Variants in JAKMIP2 observed in about 807,000 individuals in gnomAD.
JAKMIP2 encodes the protein janus kinase and microtubule interacting protein 2.
JAKMIP2 carries 25 observed loss-of-function variants against 115.0 expected under a neutral mutation model. The observed-to-expected ratio is 0.22, with a 90% CI of 0.16 to 0.30. The LOEUF (loss-of-function observed/expected upper bound fraction) is 0.30. Ranked by LOEUF, JAKMIP2 falls within the 10% of genes least tolerant of loss-of-function variation. JAKMIP2 has a pLI of 1.00. For synonymous variants in JAKMIP2, 334 were observed against 343.6 expected (o/e 0.97, Z 0.31); for missense variants, 642 against 957.6 (o/e 0.67, Z 4.35).
chr5:147,629,620 TGATGCATTGTTAAGTATCTC>T (rs1757265173), intron 15 of JAKMIP2, 53 bp downstream of exon 15: 1 of 1,006,514 alleles, frequency 9.9e-7, no homozygotes, highest in African/African-American at 1.6e-5. Context: ...ACTTTACACA[TGATGCATTGTTAAGTATCTC>T]TTGCCTCTGT....
intron 1 of JAKMIP2, among the ~76,000 whole-genome samples, chr5:147,725,429 T>C (rs2126954807): frequency 6.6e-6 from 1 of 152,290 alleles, no homozygotes; most frequent in South Asian, 2.1e-4. Flanking sequence ...TCCCGAATTC[T>C]TTCTCGTGCA....
chr5:147,591,636 A>G lies in JAKMIP2; in HGVS notation c.*71T>C, dbSNP rs1298812691. 3.2e-6 allele frequency: 5 copies of G among 1,584,890 alleles called. No homozygotes were observed. The highest frequency in any genetic ancestry group is 4.3e-6 in the Non-Finnish European group (5 of 1,158,370). ...GTGTAAACAATTTTGCCATCTTTGA[A>G]GGTTTAGAAGCACTTGTCTTCCTGG... On this transcript the variant is annotated 3_prime_UTR_variant, in exon 22 of 22. Coordinates refer to ENST00000616793, the MANE Select transcript of JAKMIP2 (RefSeq NM_001270941.2).
intron 4 of JAKMIP2, among the ~76,000 whole-genome samples, chr5:147,649,130 A>G (rs548235504): frequency 2.0e-5 from 3 of 152,326 alleles, no homozygotes; most frequent in South Asian, 2.1e-4. Context: ...GTAGAGTTAT[A>G]TAAGACTGTT....
chr5:147,630,159 G>A (rs1379003203), intron 14 of JAKMIP2, among the ~76,000 whole-genome samples: 2 of 151,572 alleles, frequency 1.3e-5, no homozygotes, highest in African/African-American at 4.9e-5. Flanking sequence ...TAAATATAAA[G>A]AATCAACCAA....
chr5:147,772,785 C>T (rs929985475), intron 1 of JAKMIP2, among the ~76,000 whole-genome samples: 3 of 151,930 alleles, frequency 2.0e-5, no homozygotes, highest in South Asian at 4.2e-4. Flanking sequence ...TTAAAAAAAT[C>T]GCTAATTGAA....
intron 1 of JAKMIP2, among the ~76,000 whole-genome samples, chr5:147,775,269 T>C (rs1032876528): frequency 6.6e-6 from 1 of 152,156 alleles, no homozygotes; most frequent in African/African-American, 2.4e-5. Context: ...TAATTTATCT[T>C]TGGAGTGAGA....
At chr5:147,597,174 C>T (rs553960931) in intron 21 of JAKMIP2, among the ~76,000 whole-genome samples, 22 of 152,070 alleles carry the variant, frequency 1.4e-4, no homozygotes, top group East Asian at 5.8e-4. Flanking sequence ...TGAGCCACCG[C>T]GCCTGGCCGA....
chr5:147,696,271 G>T (rs565608117), intron 1 of JAKMIP2, among the ~76,000 whole-genome samples: 1 of 152,280 alleles, frequency 6.6e-6, no homozygotes, highest in South Asian at 2.1e-4. Flanking sequence ...ATCCCCATGT[G>T]TCATGGGAGA....
At chr5:147,733,342 G>A (rs771022200) in intron 1 of JAKMIP2, among the ~76,000 whole-genome samples, 4 of 152,214 alleles carry the variant, frequency 2.6e-5, no homozygotes, top group Non-Finnish European at 4.4e-5. Flanking sequence ...TGCTGTTACT[G>A]AGCTGCCTCA....
intron 3 of JAKMIP2, among the ~76,000 whole-genome samples, chr5:147,651,811 G>A (rs558522241): frequency 3.1e-4 from 47 of 152,244 alleles, no homozygotes; most frequent in African/African-American, 1.0e-3. Context: ...ATATTGTCCC[G>A]TTAATTGGGA....
intron 1 of JAKMIP2, among the ~76,000 whole-genome samples, chr5:147,676,287 G>A (rs1759958872): frequency 6.6e-6 from 1 of 152,212 alleles, no homozygotes; most frequent in African/African-American, 2.4e-5. Flanking sequence ...AGTGAGCCAA[G>A]ATCACGCCAC....
intron 1 of JAKMIP2, among the ~76,000 whole-genome samples, chr5:147,745,736 C>T (rs1216675376): frequency 6.6e-6 from 1 of 152,114 alleles, no homozygotes; most frequent in African/African-American, 2.4e-5. Flanking sequence ...TAGAAAAAGA[C>T]ACAGACATCA....
intron 12 of JAKMIP2, among the ~76,000 whole-genome samples, chr5:147,635,149 C>G (rs1417101156): frequency 6.6e-6 from 1 of 151,802 alleles, no homozygotes; most frequent in African/African-American, 2.4e-5. Flanking sequence ...TGCACTCCAC[C>G]CTGGGCAACA....
In JAKMIP2 at chr5:147,659,695, T is replaced by TC. The variant is rs1758864314; in HGVS notation, c.627+1252dup. Among the ~76,000 whole-genome samples the TC allele has an allele frequency of 2.0e-5, 3 of 152,340 alleles. No homozygotes were observed. The East Asian group carries it at 5.8e-4, about 29-fold the overall frequency. Reference sequence around the variant, plus strand: ...CAGCTCCAGAGTTCGAAGTCCTGATTCTTTCTTCATCAGTCACTGTCGTTT... The same window carrying TC: ...CAGCTCCAGAGTTCGAAGTCCTGATTCCTTTCTTCATCAGTCACTGTCGTTT... On this transcript the variant is annotated intron_variant, in intron 3 of 21. Coordinates refer to ENST00000616793, the MANE Select transcript of JAKMIP2 (RefSeq NM_001270941.2).
chr5:147,756,724 G>A, intron 1 of JAKMIP2, among the ~76,000 whole-genome samples: 1 of 152,060 alleles, frequency 6.6e-6, no homozygotes, highest in East Asian at 1.9e-4. Flanking sequence ...TCCTCCTACA[G>A]GGCCTGCCAA....
At chr5:147,763,389 G>A (rs1443427351) in intron 1 of JAKMIP2, among the ~76,000 whole-genome samples, 1 of 152,124 alleles carries the variant, frequency 6.6e-6, no homozygotes, top group East Asian at 1.9e-4. Flanking sequence ...GGCAGCTATA[G>A]GCTGTCTTTT....
chr5:147,747,807 T>A (rs905102599), intron 1 of JAKMIP2, among the ~76,000 whole-genome samples: 2 of 152,226 alleles, frequency 1.3e-5, no homozygotes, highest in African/African-American at 4.8e-5. Context: ...GAACTCCCAC[T>A]GTTCTCTCCT....
chr5:147,782,607 G>T lies in JAKMIP2; in HGVS notation c.-300C>A. ...CTCTGTCTCTGGTTGGCGATGGTGC[G>T]AATAGGAACCACCCTTCCAGCCCCA... On this transcript the variant is annotated 5_prime_UTR_variant, in exon 1 of 22. Transcript: ENST00000616793. 1.3e-6 allele frequency: 1 copy of T among 775,672 alleles called. No homozygotes were observed. Among genetic ancestry groups the T allele is most frequent in the Non-Finnish European group, 2.2e-6 (1 of 455,258 alleles). 48.0% of individuals were successfully genotyped at this position (775,672 alleles called of 1,614,324 possible).
At chr5:147,701,676 G>T (rs1254468294) in intron 1 of JAKMIP2, among the ~76,000 whole-genome samples, 2 of 152,132 alleles carry the variant, frequency 1.3e-5, no homozygotes, top group African/African-American at 2.4e-5. Context: ...CACCAAATTT[G>T]AATAGGCAAT....
Sources: allele counts gnomAD v4.1 joint callset (sites outside exome capture counted in the v4.1 genomes callset), GRCh38; gene constraint gnomAD v4.1.1; transcripts MANE v1.5; gene names NCBI Gene and HGNC (gene_info 2026-07-23, HGNC 2026-07-21).